Variants in RASGEF1C observed in about 807,000 individuals in gnomAD.
The protein encoded by RASGEF1C is ras-GEF domain-containing family member 1C.
In RASGEF1C, 27 loss-of-function variants were observed where a neutral mutation model predicts 58.1. The ratio of observed to expected loss-of-function variants is 0.46; its 90% CI spans 0.34 to 0.64. The LOEUF (loss-of-function observed/expected upper bound fraction) is 0.64, where lower values mean the gene tolerates loss of function less well. RASGEF1C is among the 30% of genes least tolerant of loss of function. RASGEF1C has a pLI of 0.01. For synonymous variants in RASGEF1C, 243 were observed against 246.3 expected, an observed-to-expected ratio of 0.99 and a Z score of 0.13; for missense variants, 502 against 605.1, an observed-to-expected ratio of 0.83 and a Z score of 1.79.
At chr5:180,113,288 AGGATGGACGGAGGGACCGG>A (rs1765998602) in intron 11 of RASGEF1C, among the ~76,000 whole-genome samples, 6 of 31,172 alleles carry the variant, frequency 1.9e-4, no homozygotes, top group Admixed American at 7.3e-4. Context: ...GGAGGGATCC[AGGATGGACGGAGGGACCGG>A]GGATGGACGG....
At chr5:180,191,114 C>T (rs538142655) in intron 1 of RASGEF1C, among the ~76,000 whole-genome samples, 36 of 152,194 alleles carry the variant, frequency 2.4e-4, no homozygotes, top group Non-Finnish European at 4.7e-4. Context: ...CCTGTTAGAA[C>T]GGCTAAAACT....
chr5:180,114,637 G>A, intron 10 of RASGEF1C, 96 bp from the exon 11 acceptor site: 1 of 1,185,484 alleles, frequency 8.4e-7, no homozygotes, highest in Non-Finnish European at 1.2e-6. Context: ...CTGCCCCAGG[G>A]ACCTCAGACC....
At chr5:180,133,862 C>G (rs913154074) in intron 4 of RASGEF1C, among the ~76,000 whole-genome samples, 1 of 152,190 alleles carries the variant, frequency 6.6e-6, no homozygotes, top group African/African-American at 2.4e-5. Context: ...GGGGAAGCAT[C>G]TGTTCTCCTC....
chr5:180,201,936 G>C (rs532416129), intron 1 of RASGEF1C, among the ~76,000 whole-genome samples: 1 of 152,310 alleles, frequency 6.6e-6, no homozygotes, highest in African/African-American at 2.4e-5. Context: ...AAATCGTTCT[G>C]TTGTTTGTAA....
chr5:180,111,457 C>T lies in RASGEF1C; in HGVS notation c.1303G>A (p.Gly435Ser). ...LYTAPIFSED[G>S]LYLASYESES... ...CAGGAGGGCTGCAGGGCTACCTTAC[C>T]ATCCTCACTGAAGATGGGGGCGGTG... Residue 435 changes from glycine to serine, a missense_variant and splice_region_variant, in exon 12 of 14, where the codon GGT becomes AGT. Physicochemically the swap from Gly to Ser is moderately conservative, Grantham distance 56. Coordinates refer to ENST00000361132, the MANE Select transcript of RASGEF1C (RefSeq NM_175062.4). The T allele has an allele frequency of 6.2e-7, 1 of 1,614,198 alleles. No individual in the cohort carries two copies. Among genetic ancestry groups the T allele is most frequent in the Non-Finnish European group, 8.5e-7 (1 of 1,180,012 alleles).
At position 180,101,364 on chromosome 5, in the gene RASGEF1C, G is replaced by C; in HGVS notation, c.*137C>G. Reference sequence around the variant, plus strand: ...GTATGGCCACTGTGGGGGGGGGGGGGGCGGGCAGCAGGCCACAGGGTCGGC... The same window carrying C: ...GTATGGCCACTGTGGGGGGGGGGGGCGCGGGCAGCAGGCCACAGGGTCGGC... On this transcript the variant is annotated 3_prime_UTR_variant, in exon 14 of 14. Coordinates refer to ENST00000361132, the MANE Select transcript of RASGEF1C (RefSeq NM_175062.4). 1.1e-6 allele frequency: 1 copy of C among 886,280 alleles called. No individual in the cohort carries two copies. Among genetic ancestry groups the C allele is most frequent in the Non-Finnish European group, 1.7e-6 (1 of 585,980 alleles). The allele number at this position is 886,280 out of a possible 1,614,324, so 54.9% of individuals were successfully genotyped here.
chr5:180,152,522 A>T (rs1344707954), intron 1 of RASGEF1C, among the ~76,000 whole-genome samples: 199 of 132,396 alleles, frequency 1.5e-3, no homozygotes, highest in African/African-American at 5.4e-3. Context: ...ATGAGAACAC[A>T]TGGACACAGG....
At chr5:180,174,483 T>TGC (rs1195174834) in intron 1 of RASGEF1C, among the ~76,000 whole-genome samples, 108 of 56,618 alleles carry the variant, frequency 1.9e-3, no homozygotes, top group African/African-American at 4.0e-3. Flanking sequence ...TGTGTGTCTG[T>TGC]GTGTGCGCGT....
chr5:180,151,872 GA>G (rs199886384), intron 1 of RASGEF1C, among the ~76,000 whole-genome samples: 106,919 of 148,620 alleles, frequency 0.72, 39,491 homozygotes, highest in East Asian at 0.83. Context: ...AAATTTACAA[GA>G]AAAAAACAAA....
At chr5:180,141,138 A>G (rs184246003) in intron 1 of RASGEF1C, among the ~76,000 whole-genome samples, 1 of 152,344 alleles carries the variant, frequency 6.6e-6, no homozygotes, top group East Asian at 1.9e-4. Flanking sequence ...GTATTACACA[A>G]AAAGGTAGCA....
rs13354032 is a variant in RASGEF1C at position 180,128,190 on chromosome 5, T to C, written c.639+220A>G. ...TGCCTGGAGAGCAGGGAGGTCGCCATCAACCCTCAGTCTCAAAGGGAAGAA... is the reference window on the plus strand; with the variant it reads ...TGCCTGGAGAGCAGGGAGGTCGCCACCAACCCTCAGTCTCAAAGGGAAGAA... On this transcript the variant is annotated intron_variant, in intron 5 of 13. Coordinates refer to ENST00000361132, the MANE Select transcript of RASGEF1C (RefSeq NM_175062.4). 0.24 allele frequency among the ~76,000 whole-genome samples: 36,614 copies of C among 152,088 alleles called. 4,826 individuals carry two copies. Among genetic ancestry groups the C allele is most frequent in the Middle Eastern group, 0.3 (87 of 294 alleles).
chr5:180,129,074 A>T (rs1257965133), intron 4 of RASGEF1C, among the ~76,000 whole-genome samples: 1 of 152,186 alleles, frequency 6.6e-6, no homozygotes, highest in African/African-American at 2.4e-5. Context: ...TTCCCCGACC[A>T]GCTGTGCTGT....
At chr5:180,129,144 GC>G (rs953262407) in intron 4 of RASGEF1C, among the ~76,000 whole-genome samples, 4 of 152,130 alleles carry the variant, frequency 2.6e-5, no homozygotes, top group African/African-American at 4.8e-5. Flanking sequence ...GACTGACTGT[GC>G]CCCCCAGGGC....
intron 13 of RASGEF1C, among the ~76,000 whole-genome samples, 193 bp from the exon 14 acceptor site, chr5:180,101,718 C>T (rs1442897979): frequency 2.0e-5 from 3 of 152,228 alleles, no homozygotes; most frequent in Admixed American, 6.5e-5. Flanking sequence ...GCCACTTGGA[C>T]GTGTTAACAC....
chr5:180,127,478 G>T, intron 6 of RASGEF1C, 131 bp downstream of exon 6: 1 of 764,780 alleles, frequency 1.3e-6, no homozygotes, highest in Non-Finnish European at 2.0e-6. Context: ...GAGTGGGCAG[G>T]GCCCCCCGAG....
intron 12 of RASGEF1C, among the ~76,000 whole-genome samples, chr5:180,104,816 T>G (rs1765848458): frequency 6.6e-6 from 1 of 151,938 alleles, no homozygotes; most frequent in Non-Finnish European, 1.5e-5. Context: ...TTTGTGCTTT[T>G]TAAGGAATTA....
intron 4 of RASGEF1C, among the ~76,000 whole-genome samples, chr5:180,132,842 G>A (rs1198490974): frequency 6.6e-6 from 1 of 152,106 alleles, no homozygotes; most frequent in Non-Finnish European, 1.5e-5. Flanking sequence ...GGTGGCGCAC[G>A]CCTGTAATCC....
At chr5:180,185,551 C>T (rs10479565) in intron 1 of RASGEF1C, among the ~76,000 whole-genome samples, 19,883 of 151,890 alleles carry the variant, frequency 0.13, 1,370 homozygotes, top group East Asian at 0.21. Flanking sequence ...TGCCATTGCA[C>T]TCCAGCATGG....
intron 1 of RASGEF1C, among the ~76,000 whole-genome samples, chr5:180,180,009 G>A (rs12651702): frequency 0.1 from 15,564 of 152,240 alleles, 842 homozygotes; most frequent in Middle Eastern, 0.17. Flanking sequence ...GAGAGAAGGT[G>A]GAGTGCAGTG....
Sources: allele counts gnomAD v4.1 joint callset (sites outside exome capture counted in the v4.1 genomes callset), GRCh38; gene constraint gnomAD v4.1.1; transcripts MANE v1.5; gene names NCBI Gene and HGNC (gene_info 2026-07-23, HGNC 2026-07-21).